The following CDK14 variants were observed in gnomAD, a reference collection of about 807,000 sequenced individuals.
CDK14 encodes cyclin dependent kinase 14.
A neutral mutation model predicts 60.7 loss-of-function variants in CDK14; 34 were observed. That is an observed-to-expected ratio of 0.56 (90% confidence interval 0.43 to 0.75). The LOEUF (loss-of-function observed/expected upper bound fraction) is 0.75. CDK14 is among the 30% of genes least tolerant of loss of function. The pLI is 0.00. For synonymous variants in CDK14, 197 were observed against 203.7 expected (o/e 0.97, Z 0.28); for missense variants, 482 against 564.1 (o/e 0.85, Z 1.47).
chr7:90,648,371 G>A (rs893040616), intron 2 of CDK14, among the ~76,000 whole-genome samples: 6 of 152,090 alleles, frequency 3.9e-5, no homozygotes, highest in African/African-American at 1.4e-4. Flanking sequence ...TCCAAGCAAG[G>A]GCAAAATAGA....
chr7:91,162,853 T>G (rs1380997180), intron 14 of CDK14, among the ~76,000 whole-genome samples: 2 of 152,198 alleles, frequency 1.3e-5, no homozygotes, highest in Non-Finnish European at 2.9e-5. Flanking sequence ...ATAGGTGCTC[T>G]TAGGGAAGGG....
intron 2 of CDK14, among the ~76,000 whole-genome samples, chr7:90,668,151 G>A (rs187940436): frequency 2.0e-5 from 3 of 152,066 alleles, no homozygotes; most frequent in Non-Finnish European, 2.9e-5. Flanking sequence ...AACTTACAAG[G>A]TTTCCAATTT....
intron 12 of CDK14, among the ~76,000 whole-genome samples, chr7:91,104,712 G>A (rs1404740864): frequency 2.0e-5 from 3 of 152,106 alleles, no homozygotes; most frequent in African/African-American, 7.2e-5. Context: ...GAGGCCTCTT[G>A]CCTCTTCACT....
intron 7 of CDK14, among the ~76,000 whole-genome samples, chr7:90,907,322 A>T (rs1410941476): frequency 6.6e-6 from 1 of 152,090 alleles, no homozygotes. Flanking sequence ...TATAATTCTC[A>T]GTGGTCTACA....
chr7:90,853,298 C>A (rs1186757773), intron 5 of CDK14, among the ~76,000 whole-genome samples: 1 of 152,092 alleles, frequency 6.6e-6, no homozygotes. Context: ...CATCAAAATA[C>A]CATCAAATTT....
At chr7:91,015,969 G>T (rs76246908) in intron 10 of CDK14, among the ~76,000 whole-genome samples, 1 of 152,012 alleles carries the variant, frequency 6.6e-6, no homozygotes, top group East Asian at 1.9e-4. Flanking sequence ...CTCATTTAAA[G>T]TAATGGGAAA....
chr7:90,676,690 A>G (rs959164079), intron 2 of CDK14, among the ~76,000 whole-genome samples: 5 of 151,956 alleles, frequency 3.3e-5, no homozygotes, highest in African/African-American at 1.2e-4. Context: ...ATACTACCAC[A>G]CTTGGTTAGT....
chr7:90,880,637 C>A (rs980938968), intron 6 of CDK14, among the ~76,000 whole-genome samples: 1 of 152,116 alleles, frequency 6.6e-6, no homozygotes, highest in Non-Finnish European at 1.5e-5. Context: ...ATGAGACCAT[C>A]CAACGGGGGT....
intron 14 of CDK14, among the ~76,000 whole-genome samples, chr7:91,147,163 CACACA>C: frequency 1.4e-5 from 1 of 70,558 alleles, no homozygotes; most frequent in Admixed American, 1.2e-4. Flanking sequence ...CTCTCTCTCT[CACACA>C]CACACACACA....
intron 5 of CDK14, among the ~76,000 whole-genome samples, chr7:90,804,470 A>G (rs1788751901): frequency 6.6e-6 from 1 of 152,158 alleles, no homozygotes; most frequent in African/African-American, 2.4e-5. Flanking sequence ...GAATTGCTTA[A>G]AGCGTTTTTA....
intron 5 of CDK14, among the ~76,000 whole-genome samples, chr7:90,795,080 T>C (rs1458430553): frequency 6.6e-6 from 1 of 152,196 alleles, no homozygotes; most frequent in Non-Finnish European, 1.5e-5. Flanking sequence ...AATCTGTTTA[T>C]ATTTATGAGC....
chr7:90,918,484 C>G (rs972478439), intron 8 of CDK14, among the ~76,000 whole-genome samples: 1 of 152,224 alleles, frequency 6.6e-6, no homozygotes, highest in Non-Finnish European at 1.5e-5. Flanking sequence ...TGCTAGCTCC[C>G]CTTCTCTTGA....
At chr7:90,723,283 A>G (rs934595708) in intron 2 of CDK14, among the ~76,000 whole-genome samples, 8 of 152,200 alleles carry the variant, frequency 5.3e-5, no homozygotes, top group Admixed American at 2.0e-4. Context: ...AACAACATAC[A>G]TTTTTAAAAA....
chr7:90,598,937 C>T (rs1287131330), intron 1 of CDK14, among the ~76,000 whole-genome samples: 1 of 151,846 alleles, frequency 6.6e-6, no homozygotes, highest in Non-Finnish European at 1.5e-5. Flanking sequence ...ATCTCCTGAC[C>T]TCGTGATCCG....
At chr7:90,784,386 A>G (rs1302873068) in intron 4 of CDK14, among the ~76,000 whole-genome samples, 1 of 152,216 alleles carries the variant, frequency 6.6e-6, no homozygotes, top group African/African-American at 2.4e-5. Context: ...AATTTATTGC[A>G]TATTTCAAAA....
chr7:90,663,397 T>TACAGTTCCACGTGGCTGGGG (rs1800903873), intron 2 of CDK14, among the ~76,000 whole-genome samples: 4 of 152,188 alleles, frequency 2.6e-5, no homozygotes, highest in Non-Finnish European at 4.4e-5. Context: ...GGATGAGTCT[T>TACAGTTCCACGTGGCTGGGG]AGCACAGTGA....
chr7:90,605,971 G>C (rs561482502), intron 2 of CDK14, among the ~76,000 whole-genome samples: 182 of 152,274 alleles, frequency 1.2e-3, no homozygotes, highest in African/African-American at 4.1e-3. Flanking sequence ...CCCTCTCTCT[G>C]TTATTCTGAA....
chr7:90,643,601 C>T (rs889195267), intron 2 of CDK14, among the ~76,000 whole-genome samples: 8 of 152,042 alleles, frequency 5.3e-5, no homozygotes, highest in Non-Finnish European at 7.4e-5. Flanking sequence ...TATGTGGGGC[C>T]CTTATTTCTC....
intron 5 of CDK14, among the ~76,000 whole-genome samples, chr7:90,846,314 G>C (rs187676277): frequency 6.6e-6 from 1 of 152,184 alleles, no homozygotes; most frequent in Non-Finnish European, 1.5e-5. Context: ...TAATATTTCA[G>C]TTGTTCAGTT....
Sources: allele counts gnomAD v4.1 joint callset (sites outside exome capture counted in the v4.1 genomes callset), GRCh38; gene constraint gnomAD v4.1.1; transcripts MANE v1.5; gene names NCBI Gene and HGNC (gene_info 2026-07-23, HGNC 2026-07-21).